The following RMDN2 variants were observed in gnomAD, a reference collection of about 807,000 sequenced individuals.
RMDN2 encodes the protein regulator of microtubule dynamics protein 2.
Under a neutral mutation model 52.8 loss-of-function variants are expected in RMDN2, and 61 were observed. That is an observed-to-expected ratio of 1.16 (90% CI 0.94 to 1.43). The LOEUF (loss-of-function observed/expected upper bound fraction) is 1.43, where lower values mean the gene tolerates loss of function less well. RMDN2 is among the 40% of genes most tolerant of loss of function. The pLI is 0.00. For synonymous variants in RMDN2, 180 were observed against 153.1 expected, an observed-to-expected ratio of 1.18 and a Z score of -1.30; for missense variants, 592 against 475.3, an observed-to-expected ratio of 1.25 and a Z score of -2.28.
downstream of RMDN2, among the ~76,000 whole-genome samples, chr2:38,022,721 TC>T (rs1317028741): frequency 2.0e-5 from 3 of 152,340 alleles, no homozygotes; most frequent in East Asian, 5.8e-4. Flanking sequence ...AACATGAAAA[TC>T]CATGCCACTT....
intron 2 of RMDN2, among the ~76,000 whole-genome samples, chr2:37,938,426 G>T (rs1329487022): frequency 6.6e-6 from 1 of 152,188 alleles, no homozygotes; most frequent in Non-Finnish European, 1.5e-5. Context: ...AGTTAGGGAG[G>T]AGTCCCTCTT....
intron 2 of RMDN2, among the ~76,000 whole-genome samples, chr2:37,933,326 G>A (rs1231975435): frequency 1.3e-5 from 2 of 151,720 alleles, no homozygotes; most frequent in African/African-American, 2.4e-5. Context: ...CATCCCAGAC[G>A]ATGGGCGGCC....
chr2:37,953,323 C>G (rs1328674329), intron 2 of RMDN2, among the ~76,000 whole-genome samples: 3 of 151,996 alleles, frequency 2.0e-5, no homozygotes, highest in Non-Finnish European at 4.4e-5. Context: ...AACTGAAACT[C>G]TCCACCCATT....
intron 1 of RMDN2, among the ~76,000 whole-genome samples, chr2:37,925,720 A>T (rs980915173): frequency 2.6e-5 from 4 of 152,228 alleles, no homozygotes; most frequent in Non-Finnish European, 1.5e-5. Context: ...CGTGGGGAAC[A>T]GGCAGTTTGC....
rs150619106 is a variant in RMDN2 at position 37,951,967 on chromosome 2, C to T, written c.453-22073C>T. 2.3e-4 allele frequency: 364 copies of T among 1,613,310 alleles called. 2 individuals are homozygous for T. In the African/African-American group the frequency reaches 4.1e-3, roughly 18 times the overall value. On this transcript the variant is annotated intron_variant, in intron 2 of 10. Transcript: ENST00000354545. The stretch of plus-strand genomic sequence containing the variant: ...AAAGATTTAAAAGATTTCCTTCATC[C>T]TCGTCCTGAAAGTTACAGCACAGAT...
chr2:38,064,794 T>A (rs992249590), intron 10 of RMDN2, among the ~76,000 whole-genome samples: 8 of 151,826 alleles, frequency 5.3e-5, no homozygotes, highest in Non-Finnish European at 1.0e-4. Flanking sequence ...AAAAAATCTA[T>A]GTAATGCATC....
At chr2:37,979,292 A>G (rs1672989790) in intron 4 of RMDN2, among the ~76,000 whole-genome samples, 1 of 152,184 alleles carries the variant, frequency 6.6e-6, no homozygotes, top group Non-Finnish European at 1.5e-5. Context: ...ACACTACGGA[A>G]CCTATTCTAT....
rs202163957 is a variant in RMDN2 at position 37,959,779 on chromosome 2, A to G, written c.453-14261A>G. ...TTAGATCTTTTCTGCTTTCTCCTGT[A>G]GGCATTTAGTGCTATAAATTTCCCT... On this transcript the variant is annotated intron_variant, in intron 2 of 10. Transcript: ENST00000354545. Among the ~76,000 whole-genome samples, 117 of 150,840 alleles carry G rather than the reference A, an allele frequency of 7.8e-4. 4 individuals carry two copies. Among genetic ancestry groups the G allele is most frequent in the African/African-American group, 2.8e-3 (112 of 40,232 alleles).
Position 37,991,297 on chromosome 2 carries a change from T to C in RMDN2, c.945T>C (p.Thr315=). The C allele has an allele frequency of 6.8e-7, 1 of 1,461,702 alleles. No homozygotes were observed. Among genetic ancestry groups the C allele is most frequent in the Non-Finnish European group, 9.2e-7 (1 of 1,084,276 alleles). The allele number at this position is 1,461,702 out of a possible 1,614,324, so 90.5% of individuals were successfully genotyped here. ...ACCTCAAAGGGAGATACTGCTATAC[T>C]GTAAGTTGAATGCCTTTATTTATAA... is the stretch of plus-strand genomic sequence containing the variant. The part of the protein sequence containing the change: ...LYYLKGRYCY[T]VSKLSWIEKK... Residue 315 remains threonine, a splice_region_variant and synonymous_variant, in exon 7 of 11, where the codon ACT becomes ACC. Coordinates refer to ENST00000354545, the MANE Select transcript of RMDN2 (RefSeq NM_001170791.3).
At chr2:37,943,322 A>C (rs1347073731) in intron 2 of RMDN2, among the ~76,000 whole-genome samples, 1 of 152,222 alleles carries the variant, frequency 6.6e-6, no homozygotes, top group Non-Finnish European at 1.5e-5. Context: ...AGGGAACCAG[A>C]GGACCAAGGT....
chr2:37,923,874 C>G (rs1206740021), upstream of RMDN2, among the ~76,000 whole-genome samples: 1 of 152,032 alleles, frequency 6.6e-6, no homozygotes, highest in Admixed American at 6.5e-5. Context: ...CTTAACCTCC[C>G]GAGCAGCTGG....
rs558106112 is a variant in RMDN2, at chr2:37,958,579, G to A, written c.453-15461G>A. ...TTCTAAATATACAATTATGATATCC[G>A]CAAACAGAGACAATTTGACTTCCTC... On this transcript the variant is annotated intron_variant, in intron 2 of 10. Transcript: ENST00000354545. 1.5e-4 allele frequency among the ~76,000 whole-genome samples: 23 copies of A among 150,980 alleles called. 2 individuals are homozygous for A. The highest frequency in any genetic ancestry group is 2.7e-4 in the African/African-American group (11 of 40,318).
At position 38,038,796 on chromosome 2, in the gene RMDN2, C is replaced by A. The variant is rs548751240; in HGVS notation, c.1714-28186C>A. ...ATTCCGGCATTAGTAAGGGCAGAGA[C>A]ACTTTGGGCTGGCCAGACCTGATCC... is the stretch of plus-strand genomic sequence containing the variant. On this transcript the variant is annotated intron_variant, in intron 10 of 10. Transcript: ENST00000234195. Among the ~76,000 whole-genome samples, 210 of 152,224 alleles carry A rather than the reference C, an allele frequency of 1.4e-3. 1 individual carries two copies. Among genetic ancestry groups the A allele is most frequent in the Middle Eastern group, 3.4e-3 (1 of 294 alleles).
intron 10 of RMDN2, chr2:38,039,399 C>A (rs1680816543): frequency 6.6e-6 from 1 of 152,218 alleles, no homozygotes; most frequent in South Asian, 2.1e-4. Context: ...CCCCCAGGCA[C>A]TCCATTTTCC....
At chr2:38,031,316 G>A (rs1438231975) in intron 10 of RMDN2, among the ~76,000 whole-genome samples, 1 of 139,608 alleles carries the variant, frequency 7.2e-6, no homozygotes, top group Non-Finnish European at 1.5e-5. Flanking sequence ...AGGCTGGAGT[G>A]CAGTGGCCAT....
intron 10 of RMDN2, among the ~76,000 whole-genome samples, chr2:38,043,253 T>C (rs1681075600): frequency 6.6e-6 from 1 of 152,194 alleles, no homozygotes; most frequent in African/African-American, 2.4e-5. Flanking sequence ...TGACCATCTC[T>C]GTGTCTCTGA....
At chr2:38,045,639 T>C (rs1391430680) in intron 10 of RMDN2, among the ~76,000 whole-genome samples, 4 of 134,742 alleles carry the variant, frequency 3.0e-5, no homozygotes, top group African/African-American at 7.3e-5. Flanking sequence ...ATCAAATACA[T>C]AAAAAAATTA....
intron 2 of RMDN2, among the ~76,000 whole-genome samples, chr2:37,931,602 A>T (rs1666749614): frequency 6.6e-6 from 1 of 152,274 alleles, no homozygotes. Context: ...GCTTAGGCTT[A>T]TTCAAGAAGT....
At chr2:38,061,629 C>T (rs1682053553) in intron 10 of RMDN2, among the ~76,000 whole-genome samples, 1 of 87,450 alleles carries the variant, frequency 1.1e-5, no homozygotes, top group Admixed American at 1.1e-4. Flanking sequence ...CCCCCTCACA[C>T]ACAGTACACA....
Sources: allele counts gnomAD v4.1 joint callset (sites outside exome capture counted in the v4.1 genomes callset), GRCh38; gene constraint gnomAD v4.1.1; transcripts MANE v1.5; gene names NCBI Gene and HGNC (gene_info 2026-07-23, HGNC 2026-07-21).